The following MDGA2 variants were observed in gnomAD, a reference collection of about 807,000 sequenced individuals.
MDGA2 encodes MAM domain containing glycosylphosphatidylinositol anchor 2, also known as MAM domain-containing glycosylphosphatidylinositol anchor protein 2.
Under a neutral mutation model 117.8 loss-of-function variants are expected in MDGA2, and 40 were observed. The ratio of observed to expected loss-of-function variants is 0.34; its 90% CI spans 0.26 to 0.44. MDGA2 has a LOEUF of 0.44. Among genes scored for constraint, MDGA2 ranks in the 20% least tolerant of loss-of-function variants. The pLI, the probability that MDGA2 is intolerant of heterozygous loss-of-function variation, is 1.00. For synonymous variants in MDGA2, 452 were observed against 439.0 expected (o/e 1.03, Z -0.37); for missense variants, 1,123 against 1,250.6 (o/e 0.90, Z 1.54).
rs1399590916 is a variant in MDGA2 at position 46,951,434 on chromosome 14, C to T, written c.2089+5940G>A. Among the ~76,000 whole-genome samples the T allele has an allele frequency of 5.3e-5, 8 of 151,896 alleles. No homozygotes were observed. The South Asian group carries it at 1.7e-3, about 32-fold the overall frequency. On this transcript the variant is annotated intron_variant, in intron 9 of 16. Coordinates refer to ENST00000399232, the MANE Select transcript of MDGA2 (RefSeq NM_001113498.3). The stretch of plus-strand genomic sequence containing the variant: ...CGTGACTTCTTTCTGATTAACAGAA[C>T]CTAAAAAATGTTACAGAATGTCACT...
chr14:47,340,028 GAT>G (rs1184085929), intron 1 of MDGA2, among the ~76,000 whole-genome samples: 1 of 152,042 alleles, frequency 6.6e-6, no homozygotes, highest in Non-Finnish European at 1.5e-5. Context: ...TCTAAAGATA[GAT>G]ATATGAGTAA....
At chr14:46,844,393 A>T (rs1259996613) in intron 16 of MDGA2, among the ~76,000 whole-genome samples, 1 of 152,104 alleles carries the variant, frequency 6.6e-6, no homozygotes, top group Admixed American at 6.6e-5. Flanking sequence ...CAGCCTGGCC[A>T]ACATGGTGAA....
Position 46,859,325 on chromosome 14 carries a change from G to T in MDGA2, c.2753-4171C>A, listed in dbSNP as rs374431298. On this transcript the variant is annotated intron_variant, in intron 14 of 16. Transcript: ENST00000399232. Reference sequence around the variant, plus strand: ...TGCTGTCAATCTCACAAAGGTTGCTGTATTATAAGTCTTGGTTTTTCTAGT... The same window carrying T: ...TGCTGTCAATCTCACAAAGGTTGCTTTATTATAAGTCTTGGTTTTTCTAGT... 1.3e-3 allele frequency among the ~76,000 whole-genome samples: 195 copies of T among 152,270 alleles called. 2 individuals carry two copies. Among genetic ancestry groups the T allele is most frequent in the African/African-American group, 4.5e-3 (187 of 41,550 alleles).
chr14:47,508,352 A>ACTCTCTCTCTCTCTCTCTCTCTCTCT (rs3039658), intron 1 of MDGA2, among the ~76,000 whole-genome samples: 16 of 132,752 alleles, frequency 1.2e-4, no homozygotes, highest in African/African-American at 4.4e-4. Context: ...TTGCTGATTG[A>ACTCTCTCTCTCTCTCTCTCTCTCTCT]CTCTCTCTCT....
At chr14:46,960,964 A>G (rs1235390185) in intron 8 of MDGA2, among the ~76,000 whole-genome samples, 1 of 149,820 alleles carries the variant, frequency 6.7e-6, no homozygotes, top group African/African-American at 2.5e-5. Context: ...ACACACACAC[A>G]CACACATAAA....
chr14:47,081,884 T>A (rs1410475328), intron 6 of MDGA2, among the ~76,000 whole-genome samples: 1 of 152,164 alleles, frequency 6.6e-6, no homozygotes, highest in Non-Finnish European at 1.5e-5. Context: ...AAAATTATGC[T>A]ACTGTTATCA....
intron 9 of MDGA2, among the ~76,000 whole-genome samples, chr14:46,955,718 A>G (rs1339752991): frequency 6.8e-6 from 1 of 147,446 alleles, no homozygotes; most frequent in Non-Finnish European, 1.5e-5. Flanking sequence ...ATTTTAGTTC[A>G]ATTCCGTACA....
intron 1 of MDGA2, among the ~76,000 whole-genome samples, chr14:47,484,912 A>G (rs1894027547): frequency 6.6e-6 from 1 of 152,156 alleles, no homozygotes; most frequent in Admixed American, 6.5e-5. Context: ...TGTCAGTCCA[A>G]TTAAGCCTCT....
At chr14:47,074,679 T>C (rs1341713245) in intron 6 of MDGA2, among the ~76,000 whole-genome samples, 1 of 152,222 alleles carries the variant, frequency 6.6e-6, no homozygotes, top group Non-Finnish European at 1.5e-5. Flanking sequence ...ATTTGCTGTA[T>C]ACAACCTATT....
rs2139202982 is a variant in MDGA2 at position 47,144,398 on chromosome 14, C to T, written c.596-124G>A. ...TGATTGTATTACTTACCACTAGGTA[C>T]TCTTTTTTTCACTCAGCTTATTGAA... On this transcript the variant is annotated intron_variant, in intron 3 of 16. Transcript: ENST00000399232. 5.0e-6 allele frequency: 3 copies of T among 596,024 alleles called. 1 individual carries two copies. In the South Asian group the frequency reaches 7.8e-5, roughly 16 times the overall value. The allele number at this position is 596,024 out of a possible 1,614,324, so 36.9% of individuals were successfully genotyped here.
intron 3 of MDGA2, among the ~76,000 whole-genome samples, chr14:47,145,908 T>C (rs1439554244): frequency 1.3e-5 from 2 of 152,138 alleles, no homozygotes; most frequent in African/African-American, 4.8e-5. Context: ...ATTTCACCAA[T>C]TCATAATACA....
chr14:47,497,536 G>A (rs1408060842), intron 1 of MDGA2, among the ~76,000 whole-genome samples: 1 of 152,098 alleles, frequency 6.6e-6, no homozygotes, highest in Non-Finnish European at 1.5e-5. Flanking sequence ...GGGATTACAG[G>A]CATGAGCCAC....
Position 47,313,589 on chromosome 14 carries a change from G to A in MDGA2, c.281-12039C>T, listed in dbSNP as rs190531607. Among the ~76,000 whole-genome samples the A allele has an allele frequency of 2.6e-5, 4 of 152,206 alleles. No homozygotes were observed. In the East Asian group the frequency reaches 7.7e-4, roughly 29 times the overall value. ...TGGGATTATAGGCATGAGCCACCATGCCCAACTCAAAATGTACTTTCAAAA... is the reference window on the plus strand; with the variant it reads ...TGGGATTATAGGCATGAGCCACCATACCCAACTCAAAATGTACTTTCAAAA... On this transcript the variant is annotated intron_variant, in intron 1 of 16. Coordinates refer to ENST00000399232, the MANE Select transcript of MDGA2 (RefSeq NM_001113498.3).
chr14:47,077,972 T>C (rs1890558464), intron 6 of MDGA2, among the ~76,000 whole-genome samples: 1 of 152,206 alleles, frequency 6.6e-6, no homozygotes, highest in Admixed American at 6.5e-5. Context: ...GACTATTTAT[T>C]TAAAAACTGC....
At chr14:47,484,737 G>A (rs1894023273) in intron 1 of MDGA2, among the ~76,000 whole-genome samples, 1 of 152,070 alleles carries the variant, frequency 6.6e-6, no homozygotes, top group Non-Finnish European at 1.5e-5. Flanking sequence ...TCTTTCCCAT[G>A]CTGTTCTCCT....
intron 1 of MDGA2, among the ~76,000 whole-genome samples, chr14:47,339,892 T>C (rs1184724925): frequency 6.6e-6 from 1 of 152,208 alleles, no homozygotes; most frequent in Non-Finnish European, 1.5e-5. Flanking sequence ...ATATACATTA[T>C]ATAATCATGA....
chr14:47,182,324 G>A (rs1222254132), intron 3 of MDGA2, among the ~76,000 whole-genome samples: 2 of 152,030 alleles, frequency 1.3e-5, no homozygotes, highest in African/African-American at 4.8e-5. Flanking sequence ...AAATTAATAT[G>A]TTGAAGCCCT....
intron 1 of MDGA2, among the ~76,000 whole-genome samples, chr14:47,333,098 G>A (rs1341882780): frequency 6.6e-6 from 1 of 151,312 alleles, no homozygotes; most frequent in Non-Finnish European, 1.5e-5. Context: ...ATATTGCTGC[G>A]ATAAACATAC....
chr14:47,250,449 A>G (rs1000880968), intron 2 of MDGA2, among the ~76,000 whole-genome samples: 4 of 152,228 alleles, frequency 2.6e-5, no homozygotes, highest in African/African-American at 9.6e-5. Context: ...CACAAAGGTC[A>G]TATGTATAAA....
Sources: allele counts gnomAD v4.1 joint callset (sites outside exome capture counted in the v4.1 genomes callset), GRCh38; gene constraint gnomAD v4.1.1; transcripts MANE v1.5; gene names NCBI Gene and HGNC (gene_info 2026-07-23, HGNC 2026-07-21).